Variants in SLC25A21 observed in about 807,000 individuals in gnomAD.
SLC25A21 encodes the protein mitochondrial 2-oxodicarboxylate carrier.
A neutral mutation model predicts 43.8 loss-of-function variants in SLC25A21; 47 were observed. That is an observed-to-expected ratio of 1.07 (90% CI 0.85 to 1.37). The LOEUF (loss-of-function observed/expected upper bound fraction) is 1.37, where lower values mean the gene tolerates loss of function less well. SLC25A21 is among the 40% of genes most tolerant of loss of function. SLC25A21 has a pLI of 0.00. For synonymous variants in SLC25A21, 131 were observed against 121.3 expected (o/e 1.08, Z -0.52); for missense variants, 352 against 350.2 (o/e 1.00, Z -0.04).
At chr14:36,853,240 A>G (rs1033446599) in intron 2 of SLC25A21, among the ~76,000 whole-genome samples, 1 of 152,228 alleles carries the variant, frequency 6.6e-6, no homozygotes, top group Non-Finnish European at 1.5e-5. Context: ...GACATCTCCC[A>G]AGGACAATCC....
chr14:37,152,434 T>G (rs1963774848), intron 1 of SLC25A21, among the ~76,000 whole-genome samples: 1 of 146,430 alleles, frequency 6.8e-6, no homozygotes, highest in South Asian at 2.1e-4. Context: ...CAGACTGAAG[T>G]GCAGTGGCAC....
chr14:37,003,615 AT>A (rs984544208), intron 1 of SLC25A21, among the ~76,000 whole-genome samples: 1 of 152,220 alleles, frequency 6.6e-6, no homozygotes, highest in Non-Finnish European at 1.5e-5. Flanking sequence ...AAAAGCATGG[AT>A]TAATTTCATA....
At position 36,987,736 on chromosome 14, in the gene SLC25A21, T is replaced by C. The variant is rs189120346; in HGVS notation, c.71-112732A>G. On this transcript the variant is annotated intron_variant, in intron 1 of 9. Transcript: ENST00000331299. ...CTATTATACATAATGTTCTAAAGGA[T>C]ATTTTTGTTCATCAATTTTAGTCCA... is the stretch of plus-strand genomic sequence containing the variant. Among the ~76,000 whole-genome samples, 29 of 152,322 alleles carry C rather than the reference T, an allele frequency of 1.9e-4. No homozygotes were observed. The East Asian group carries it at 5.6e-3, about 29-fold the overall frequency.
At chr14:36,911,896 A>G (rs1269226872) in intron 1 of SLC25A21, among the ~76,000 whole-genome samples, 1 of 152,192 alleles carries the variant, frequency 6.6e-6, no homozygotes, top group Non-Finnish European at 1.5e-5. Flanking sequence ...GCTTGGCTAT[A>G]AAGTGCATGC....
Position 36,731,953 on chromosome 14 carries a change from C to G in SLC25A21, c.271-2387G>C, listed in dbSNP as rs1884843726. Among the ~76,000 whole-genome samples, 3 of 152,146 alleles carry G rather than the reference C, an allele frequency of 2.0e-5. No homozygotes were observed. In the South Asian group the frequency reaches 6.2e-4, roughly 32 times the overall value. On this transcript the variant is annotated intron_variant, in intron 4 of 9. Coordinates refer to ENST00000331299, the MANE Select transcript of SLC25A21 (RefSeq NM_030631.4). The stretch of plus-strand genomic sequence containing the variant: ...CCTGAAAGTATCCCAAGGTGGTAAG[C>G]TGTGGCATCACAGGGCTCATTTCAT...
At chr14:37,162,726 A>G (rs571242745) in intron 1 of SLC25A21, among the ~76,000 whole-genome samples, 128 of 152,334 alleles carry the variant, frequency 8.4e-4, no homozygotes, top group African/African-American at 3.0e-3. Context: ...TGTGGAAGTC[A>G]GTGTGGCGAT....
At chr14:37,130,744 C>CA (rs1407663615) in intron 1 of SLC25A21, among the ~76,000 whole-genome samples, 1 of 152,168 alleles carries the variant, frequency 6.6e-6, no homozygotes, top group East Asian at 1.9e-4. Flanking sequence ...GTGAGTATTT[C>CA]AGAAAATTAA....
At chr14:36,930,655 A>G (rs1167224935) in intron 1 of SLC25A21, among the ~76,000 whole-genome samples, 1 of 152,058 alleles carries the variant, frequency 6.6e-6, no homozygotes, top group Admixed American at 6.6e-5. Context: ...CCACAACCAT[A>G]ATAATCTTTT....
chr14:37,153,182 C>A (rs1347308612), intron 1 of SLC25A21, among the ~76,000 whole-genome samples: 1 of 152,284 alleles, frequency 6.6e-6, no homozygotes, highest in East Asian at 1.9e-4. Context: ...GACGAAGGGA[C>A]AGGGCTGCTC....
intron 1 of SLC25A21, among the ~76,000 whole-genome samples, chr14:37,103,731 CA>C (rs1422124417): frequency 2.0e-5 from 3 of 152,120 alleles, no homozygotes; most frequent in African/African-American, 7.2e-5. Context: ...TCTGACTATC[CA>C]AAAGTCCCAA....
intron 2 of SLC25A21, among the ~76,000 whole-genome samples, chr14:36,846,645 G>A (rs1889553633): frequency 6.6e-6 from 1 of 152,118 alleles, no homozygotes; most frequent in Non-Finnish European, 1.5e-5. Flanking sequence ...GCCTCCCAAA[G>A]TGCTGGAATT....
intron 1 of SLC25A21, chr14:37,171,831 G>A (rs1275050687): frequency 1.2e-5 from 2 of 166,048 alleles, no homozygotes; most frequent in Non-Finnish European, 2.6e-5. Context: ...AAGAAGTCCT[G>A]TGGAGTCCTG....
intron 6 of SLC25A21, among the ~76,000 whole-genome samples, chr14:36,723,157 C>T (rs887148009): frequency 6.6e-6 from 1 of 152,174 alleles, no homozygotes; most frequent in African/African-American, 2.4e-5. Flanking sequence ...AAGATACTAG[C>T]AAAAATGACC....
In SLC25A21 at chr14:36,678,941, T is replaced by TTAAC; in HGVS notation, c.*1713_*1716dup. ...AAGGAAAATAGGATGGATTAAAGGGTTAACTTTTAAAGATTATTATTGGTT... is the reference window on the plus strand; with the variant it reads ...AAGGAAAATAGGATGGATTAAAGGGTTAACTAACTTTTAAAGATTATTATTGGTT... On this transcript the variant is annotated 3_prime_UTR_variant, in exon 10 of 10. Transcript: ENST00000331299. 1.0e-6 allele frequency: 1 copy of TTAAC among 981,310 alleles called. No homozygotes were observed. Among genetic ancestry groups the TTAAC allele is most frequent in the South Asian group, 4.7e-5 (1 of 21,188 alleles). The allele number at this position is 981,310 out of a possible 1,614,324, so 60.8% of individuals were successfully genotyped here. A position where few individuals can be genotyped will look rare whatever the true frequency, so the allele number is the denominator to read the frequency against.
chr14:36,749,964 C>T (rs1373794076), intron 3 of SLC25A21, among the ~76,000 whole-genome samples: 2 of 152,036 alleles, frequency 1.3e-5, no homozygotes, highest in Non-Finnish European at 1.5e-5. Flanking sequence ...TCTGTTGTTC[C>T]CACTAAGATG....
intron 1 of SLC25A21, among the ~76,000 whole-genome samples, chr14:36,967,734 G>C (rs555008927): frequency 6.6e-6 from 1 of 152,202 alleles, no homozygotes; most frequent in Non-Finnish European, 1.5e-5. Flanking sequence ...AGTGGGTACT[G>C]GAGGTACAAT....
intron 1 of SLC25A21, among the ~76,000 whole-genome samples, chr14:36,996,569 T>C (rs1960376098): frequency 6.6e-6 from 1 of 152,178 alleles, no homozygotes; most frequent in Non-Finnish European, 1.5e-5. Context: ...TGCTACATTC[T>C]GTTTGTTCTT....
rs138884959 is a variant in SLC25A21 at position 37,024,526 on chromosome 14, C to T, written c.70+147755G>A. Among the ~76,000 whole-genome samples the T allele has an allele frequency of 5.7e-4, 87 of 152,052 alleles. No individual in the cohort carries two copies. The East Asian group carries it at 0.014, about 25-fold the overall frequency. On this transcript the variant is annotated intron_variant, in intron 1 of 9. Coordinates refer to ENST00000331299, the MANE Select transcript of SLC25A21 (RefSeq NM_030631.4). The stretch of plus-strand genomic sequence containing the variant: ...ACATGGTTTCTCCACATGAAGTCTG[C>T]GTAGTCCTATACACAAAAAGTAAGG...
intron 5 of SLC25A21, among the ~76,000 whole-genome samples, chr14:36,727,100 G>A (rs76421833): frequency 0.036 from 5,411 of 152,196 alleles, 279 homozygotes; most frequent in African/African-American, 0.11. Flanking sequence ...CCAACCAAGG[G>A]TGCTTGGAGG....
Sources: allele counts gnomAD v4.1 joint callset (sites outside exome capture counted in the v4.1 genomes callset), GRCh38; gene constraint gnomAD v4.1.1; transcripts MANE v1.5; gene names NCBI Gene and HGNC (gene_info 2026-07-23, HGNC 2026-07-21).